SORCS2: variants seen among roughly 807,000 people sequenced by gnomAD.
SORCS2 encodes VPS10 domain-containing receptor SorCS2.
Under a neutral mutation model 141.6 loss-of-function variants are expected in SORCS2, and 100 were observed. That is an observed-to-expected ratio of 0.71 (90% CI 0.60 to 0.83). SORCS2 has a LOEUF of 0.83. SORCS2 is among the 40% of genes least tolerant of loss of function. The pLI is 0.00. For synonymous variants in SORCS2, 789 were observed against 676.9 expected (o/e 1.17, Z -2.57); for missense variants, 1,646 against 1,560.2 (o/e 1.05, Z -0.93).
chr4:7,526,933 G>T (rs1733731861), intron 2 of SORCS2, among the ~76,000 whole-genome samples: 1 of 152,220 alleles, frequency 6.6e-6, no homozygotes, highest in Admixed American at 6.5e-5. Flanking sequence ...ACATTATAAT[G>T]AAATATTTTA....
chr4:7,212,943 G>C (rs1560114953), intron 1 of SORCS2, among the ~76,000 whole-genome samples: 1 of 152,228 alleles, frequency 6.6e-6, no homozygotes, highest in Non-Finnish European at 1.5e-5. Context: ...CTGCCCACCT[G>C]GGGGGAACAA....
chr4:7,389,059 G>C (rs924135340), intron 1 of SORCS2, among the ~76,000 whole-genome samples: 1 of 152,242 alleles, frequency 6.6e-6, no homozygotes, highest in East Asian at 1.9e-4. Context: ...CCCACTGCGG[G>C]TGGATCATTC....
rs1027994519 is a variant in SORCS2 at position 7,410,979 on chromosome 4, C to T, written c.548+14624C>T. On this transcript the variant is annotated intron_variant, in intron 2 of 26. Transcript: ENST00000507866. The stretch of plus-strand genomic sequence containing the variant: ...TTTTTTTTTTTTTTTTTTTTTGAGA[C>T]GGAGTCTGAATCTGTCGCCAGGCCA... 1.2e-3 allele frequency among the ~76,000 whole-genome samples: 105 copies of T among 84,344 alleles called. 1 individual carries two copies. Among genetic ancestry groups the T allele is most frequent in the African/African-American group, 4.1e-3 (93 of 22,440 alleles). 55.3% of individuals were successfully genotyped at this position (84,344 alleles called of 152,430 possible).
chr4:7,293,396 C>T (rs1716746057), intron 1 of SORCS2, among the ~76,000 whole-genome samples: 1 of 152,030 alleles, frequency 6.6e-6, no homozygotes, highest in African/African-American at 2.4e-5. Flanking sequence ...CATACACAAT[C>T]TCACGACCTC....
At chr4:7,295,857 G>A (rs1717014097) in intron 1 of SORCS2, among the ~76,000 whole-genome samples, 1 of 152,226 alleles carries the variant, frequency 6.6e-6, no homozygotes, top group Non-Finnish European at 1.5e-5. Context: ...TGATGGAGCA[G>A]CATGCCCAGC....
intron 3 of SORCS2, among the ~76,000 whole-genome samples, chr4:7,594,886 G>A (rs548182742): frequency 6.6e-6 from 1 of 152,280 alleles, no homozygotes; most frequent in South Asian, 2.1e-4. Context: ...CTCTGAACTT[G>A]AGGTGGTGCC....
chr4:7,350,905 C>A (rs7699009), intron 1 of SORCS2, among the ~76,000 whole-genome samples: 76,063 of 151,956 alleles, frequency 0.5, 19,837 homozygotes, highest in African/African-American at 0.65. Flanking sequence ...AGGGGCCCAC[C>A]CAACTTCATC....
At chr4:7,638,009 C>A (rs1026572899) in intron 3 of SORCS2, among the ~76,000 whole-genome samples, 3 of 152,218 alleles carry the variant, frequency 2.0e-5, no homozygotes, top group African/African-American at 7.2e-5. Context: ...TCACACTGAG[C>A]CGGTCAGGTT....
chr4:7,739,992 G>T (rs1712526415), intron 26 of SORCS2, among the ~76,000 whole-genome samples: 1 of 152,132 alleles, frequency 6.6e-6, no homozygotes, highest in East Asian at 1.9e-4. Context: ...GGGGCCCACT[G>T]CTTGTGATGG....
At chr4:7,239,958 A>G (rs1339674462) in intron 1 of SORCS2, among the ~76,000 whole-genome samples, 1 of 152,190 alleles carries the variant, frequency 6.6e-6, no homozygotes, top group Admixed American at 6.5e-5. Context: ...TGGCGAGCAC[A>G]GCCCTGAGTG....
intron 14 of SORCS2, among the ~76,000 whole-genome samples, chr4:7,706,144 G>T (rs1725435316): frequency 7.5e-6 from 1 of 133,510 alleles, no homozygotes; most frequent in African/African-American, 2.7e-5. Context: ...CGCCTGGACA[G>T]AGAAGAGGCT....
In SORCS2 at chr4:7,740,901, G is replaced by A. The variant is rs554445402; in HGVS notation, c.*637G>A. 1.0e-5 allele frequency: 4 copies of A among 398,178 alleles called. No individual in the cohort carries two copies. The highest frequency in any genetic ancestry group is 8.2e-5 in the African/African-American group (4 of 48,730). The allele number at this position is 398,178 out of a possible 1,614,324, so 24.7% of individuals were successfully genotyped here. A position where few individuals can be genotyped will look rare whatever the true frequency, so the allele number is the denominator to read the frequency against. ...TATAGCCGGCGGTAGCCACCGGGGT[G>A]GCTCTGTCAGAGTTCCGTACTCGGG... On this transcript the variant is annotated 3_prime_UTR_variant, in exon 27 of 27. Coordinates refer to ENST00000507866, the MANE Select transcript of SORCS2 (RefSeq NM_020777.3).
chr4:7,387,668 G>A (rs1050393291), intron 1 of SORCS2, among the ~76,000 whole-genome samples: 3 of 137,386 alleles, frequency 2.2e-5, no homozygotes, highest in Non-Finnish European at 4.6e-5. Context: ...ATGCACACAT[G>A]CACACACATA....
chr4:7,327,493 G>T (rs545899673), intron 1 of SORCS2, among the ~76,000 whole-genome samples: 1 of 152,170 alleles, frequency 6.6e-6, no homozygotes, highest in Non-Finnish European at 1.5e-5. Flanking sequence ...TCCAAGTAAG[G>T]TCACGTTTTG....
In SORCS2 at chr4:7,657,389, TA is replaced by T. The variant is rs1721842333; in HGVS notation, c.887+3185del. Among the ~76,000 whole-genome samples the T allele has an allele frequency of 1.1e-4, 10 of 93,500 alleles. No homozygotes were observed. In the Admixed American group the frequency reaches 1.1e-3, roughly 10 times the overall value. The allele number at this position is 93,500 out of a possible 152,430, so 61.3% of individuals were successfully genotyped here. On this transcript the variant is annotated intron_variant, in intron 5 of 26. Coordinates refer to ENST00000507866, the MANE Select transcript of SORCS2 (RefSeq NM_020777.3). ...ACAACTGAGTGAGTAAATGGATGAG[TA>T]AATAACTGAGTGTGTGATTGAGTGA...
chr4:7,507,451 G>A (rs1292909856), intron 2 of SORCS2, among the ~76,000 whole-genome samples: 2 of 152,222 alleles, frequency 1.3e-5, no homozygotes, highest in Non-Finnish European at 2.9e-5. Flanking sequence ...TGAGATTACA[G>A]GCGTGAGCCA....
intron 3 of SORCS2, among the ~76,000 whole-genome samples, chr4:7,564,098 G>A (rs1714787634): frequency 6.6e-6 from 1 of 152,214 alleles, no homozygotes; most frequent in Non-Finnish European, 1.5e-5. Flanking sequence ...TTTCTAATGG[G>A]GATGGAGGGA....
intron 4 of SORCS2, among the ~76,000 whole-genome samples, chr4:7,652,713 G>T (rs867184136): frequency 6.6e-6 from 1 of 152,204 alleles, no homozygotes; most frequent in Non-Finnish European, 1.5e-5. Context: ...CTGGGCCCAG[G>T]CCTGGCCTCC....
At chr4:7,413,484 C>G (rs763984260) in intron 2 of SORCS2, among the ~76,000 whole-genome samples, 1 of 146,084 alleles carries the variant, frequency 6.8e-6, no homozygotes, top group African/African-American at 2.5e-5. Flanking sequence ...ACCTCCACCT[C>G]CTGGGTTCAA....
Sources: allele counts gnomAD v4.1 joint callset (sites outside exome capture counted in the v4.1 genomes callset), GRCh38; gene constraint gnomAD v4.1.1; transcripts MANE v1.5; gene names NCBI Gene and HGNC (gene_info 2026-07-23, HGNC 2026-07-21).